The following RAB10 variants were observed in gnomAD, a reference collection of about 807,000 sequenced individuals.
RAB10 encodes RAB10, member RAS oncogene family.
In RAB10, 5 loss-of-function variants were observed where a neutral mutation model predicts 25.7. The observed-to-expected ratio is 0.19, with a 90% confidence interval of 0.10 to 0.41. The LOEUF (loss-of-function observed/expected upper bound fraction) is 0.41. RAB10 is among the 10% of genes least tolerant of loss of function. The pLI is 1.00. For synonymous variants in RAB10, 89 were observed against 86.4 expected (o/e 1.03, Z -0.16); for missense variants, 103 against 245.8 (o/e 0.42, Z 3.89).
At chr2:26,084,719 A>G (rs1666941515) in intron 1 of RAB10, among the ~76,000 whole-genome samples, 1 of 152,234 alleles carries the variant, frequency 6.6e-6, no homozygotes, top group Non-Finnish European at 1.5e-5. Flanking sequence ...CTTCAGTTTC[A>G]GTCGTTATAT....
chr2:26,086,022 G>GT (rs1666979086), intron 1 of RAB10, among the ~76,000 whole-genome samples: 2 of 142,874 alleles, frequency 1.4e-5, no homozygotes, highest in East Asian at 4.7e-4. Context: ...AAAAAAGGGG[G>GT]GGGGCAAAGG....
At chr2:26,048,012 G>A (rs1002924556) in intron 1 of RAB10, among the ~76,000 whole-genome samples, 3 of 151,292 alleles carry the variant, frequency 2.0e-5, no homozygotes, top group Non-Finnish European at 2.9e-5. Context: ...GATTACAGGC[G>A]TGAGCCACCG....
chr2:26,081,507 A>G (rs536424801), intron 1 of RAB10, among the ~76,000 whole-genome samples: 1 of 152,348 alleles, frequency 6.6e-6, no homozygotes, highest in Non-Finnish European at 1.5e-5. Flanking sequence ...AAGGAGACAT[A>G]CAGCTAAATG....
At chr2:26,108,880 TA>T (rs869095715) in intron 2 of RAB10, among the ~76,000 whole-genome samples, 138 of 3,796 alleles carry the variant, frequency 0.036, no homozygotes, top group African/African-American at 0.14. Context: ...TTTTGCTTTA[TA>T]TTTATTTATT....
intron 1 of RAB10, among the ~76,000 whole-genome samples, chr2:26,068,076 A>G (rs1434967607): frequency 6.6e-6 from 1 of 152,230 alleles, no homozygotes; most frequent in African/African-American, 2.4e-5. Flanking sequence ...GGTGGCCTAG[A>G]GAATGCTGTC....
chr2:26,041,570 T>C (rs1241828335), intron 1 of RAB10, among the ~76,000 whole-genome samples: 2 of 109,274 alleles, frequency 1.8e-5, no homozygotes, highest in Non-Finnish European at 3.7e-5. Context: ...AAAAAAAGAA[T>C]GTTAGCTGTT....
At position 26,110,319 on chromosome 2, in the gene RAB10, C is replaced by T. The variant is rs190083467; in HGVS notation, c.327+413C>T. 4.0e-3 allele frequency among the ~76,000 whole-genome samples: 500 copies of T among 125,484 alleles called. 4 individuals carry two copies. Among genetic ancestry groups the T allele is most frequent in the Middle Eastern group, 0.012 (2 of 164 alleles). 82.3% of individuals were successfully genotyped at this position (125,484 alleles called of 152,430 possible). ...CGCCACTGCACTCCAGCCTGGGCAA[C>T]AGAGCAAGACTCCGTCTCCAAAAAA... On this transcript the variant is annotated intron_variant, in intron 3 of 5. Coordinates refer to ENST00000264710, the MANE Select transcript of RAB10 (RefSeq NM_016131.5).
At chr2:26,075,797 C>T (rs1427777391) in intron 1 of RAB10, among the ~76,000 whole-genome samples, 3 of 151,838 alleles carry the variant, frequency 2.0e-5, no homozygotes, top group African/African-American at 7.3e-5. Context: ...ATTCATTTTT[C>T]AGTGATGTAG....
In RAB10 at chr2:26,099,834, G is replaced by T. The variant is rs147918176; in HGVS notation, c.188+1112G>T. On this transcript the variant is annotated intron_variant, in intron 2 of 5. Transcript: ENST00000264710. ...TGGGATTACAGGTGTGAGCCACTGC[G>T]CCTGGTCAATTTTTTTTTAACATTC... Among the ~76,000 whole-genome samples, 660 of 151,972 alleles carry T rather than the reference G, an allele frequency of 4.3e-3. 3 individuals are homozygous for T. Among genetic ancestry groups the T allele is most frequent in the Non-Finnish European group, 7.2e-3 (491 of 67,980 alleles).
chr2:26,102,899 C>G (rs943403866), intron 2 of RAB10, among the ~76,000 whole-genome samples: 11 of 152,150 alleles, frequency 7.2e-5, no homozygotes, highest in African/African-American at 2.7e-4. Context: ...CTTGAGAGCT[C>G]TTAATACCAT....
Position 26,034,557 on chromosome 2 carries a change from G to C in RAB10, c.-52G>C, listed in dbSNP as rs949102999. 11 of 1,610,460 alleles carry C rather than the reference G, an allele frequency of 6.8e-6. No homozygotes were observed. Among genetic ancestry groups the C allele is most frequent in the African/African-American group, 4.0e-5 (3 of 74,840 alleles). The stretch of plus-strand genomic sequence containing the variant: ...GAGTGAGGAGTTGGCCGTAGTGAGA[G>C]GGACCGATCCCTTGGGGCCGCCGGC... On this transcript the variant is annotated 5_prime_UTR_variant, in exon 1 of 6. Transcript: ENST00000264710.
At chr2:26,044,626 A>G (rs181269296) in intron 1 of RAB10, among the ~76,000 whole-genome samples, 2 of 151,614 alleles carry the variant, frequency 1.3e-5, no homozygotes, top group African/African-American at 4.9e-5. Flanking sequence ...GCACACTGCA[A>G]CCTCCACCTC....
chr2:26,075,382 A>G (rs900674062), intron 1 of RAB10, among the ~76,000 whole-genome samples: 1 of 152,088 alleles, frequency 6.6e-6, no homozygotes, highest in Non-Finnish European at 1.5e-5. Context: ...CTGTTTGAAG[A>G]TACTTCCCAC....
intron 1 of RAB10, among the ~76,000 whole-genome samples, chr2:26,080,223 T>G (rs1430474644): frequency 6.6e-6 from 1 of 151,994 alleles, no homozygotes; most frequent in East Asian, 1.9e-4. Context: ...GTAGCAAAAA[T>G]AAATAATTGA....
intron 1 of RAB10, among the ~76,000 whole-genome samples, chr2:26,042,298 A>G (rs139806772): frequency 6.6e-6 from 1 of 152,242 alleles, no homozygotes; most frequent in Admixed American, 6.6e-5. Flanking sequence ...TGATTTTGCT[A>G]AGTTTTGGAA....
At chr2:26,129,632 T>C (rs1667973903) in intron 5 of RAB10, among the ~76,000 whole-genome samples, 1 of 152,120 alleles carries the variant, frequency 6.6e-6, no homozygotes, top group African/African-American at 2.4e-5. Context: ...TAGAGTGAAA[T>C]GTAGGTATCT....
At chr2:26,064,247 G>A (rs527692829) in intron 1 of RAB10, among the ~76,000 whole-genome samples, 9 of 152,184 alleles carry the variant, frequency 5.9e-5, no homozygotes, top group Non-Finnish European at 1.2e-4. Flanking sequence ...GGATGTATAA[G>A]CACAGAAGCT....
chr2:26,082,944 T>TA (rs1666899447), intron 1 of RAB10, among the ~76,000 whole-genome samples: 1 of 152,228 alleles, frequency 6.6e-6, no homozygotes, highest in African/African-American at 2.4e-5. Flanking sequence ...GTTTCACATT[T>TA]AAAATCAAAG....
In RAB10 at chr2:26,034,543, T is replaced by C. The variant is rs1386676267; in HGVS notation, c.-66T>C. ...GCCTGAGAACGCCCGAGTGAGGAGTTGGCCGTAGTGAGAGGGACCGATCCC... is the reference window on the plus strand; with the variant it reads ...GCCTGAGAACGCCCGAGTGAGGAGTCGGCCGTAGTGAGAGGGACCGATCCC... On this transcript the variant is annotated 5_prime_UTR_variant, in exon 1 of 6. Coordinates refer to ENST00000264710, the MANE Select transcript of RAB10 (RefSeq NM_016131.5). 1 of 1,601,910 alleles carries C rather than the reference T, an allele frequency of 6.2e-7. No homozygotes were observed. The highest frequency in any genetic ancestry group is 1.3e-5 in the African/African-American group (1 of 74,506).
Sources: gnomAD v4.1 joint callset for allele counts (sites outside exome capture counted in the v4.1 genomes callset) on GRCh38, gnomAD v4.1.1 for gene constraint, MANE v1.5 for transcripts, NCBI Gene and HGNC (gene_info 2026-07-23, HGNC 2026-07-21) for gene names.